IAPP: variants seen among roughly 807,000 people sequenced by gnomAD.
The protein encoded by IAPP is islet amyloid polypeptide.
In IAPP, 4 loss-of-function variants were observed where a neutral mutation model predicts 2.9. The observed-to-expected ratio is 1.39, with a 90% CI of 0.69 to 3.19. IAPP has a LOEUF of 3.19. Among genes scored for constraint, IAPP ranks in the 30% most tolerant of loss-of-function variants. IAPP has a pLI of 0.01. For missense variants in IAPP, 114 were observed against 105.3 expected (o/e 1.08, Z -0.36); for synonymous variants, 40 against 42.1 (o/e 0.95, Z 0.19).
chr12:21,359,397 T>C (rs1373983795), intron 1 of IAPP, among the ~76,000 whole-genome samples: 1 of 151,590 alleles, frequency 6.6e-6, no homozygotes, highest in East Asian at 1.9e-4. Flanking sequence ...TGTAAAACAT[T>C]AGTGAAAAAA....
At chr12:21,372,346 T>C (rs1939862518), upstream of IAPP, among the ~76,000 whole-genome samples, 1 of 152,234 alleles carries the variant, frequency 6.6e-6, no homozygotes, top group Admixed American at 6.5e-5. Context: ...GTCATATCTC[T>C]GGTACCTAGA....
At chr12:21,375,330 T>C (rs1404281421) in intron 2 of IAPP, among the ~76,000 whole-genome samples, 1 of 152,174 alleles carries the variant, frequency 6.6e-6, no homozygotes, top group East Asian at 1.9e-4. Flanking sequence ...TTAAAGGGAG[T>C]ATGATTTGTC....
chr12:21,366,559 A>C (rs1185910303), intron 1 of IAPP, among the ~76,000 whole-genome samples: 1 of 152,130 alleles, frequency 6.6e-6, no homozygotes, highest in African/African-American at 2.4e-5. Flanking sequence ...AAATAAAAAT[A>C]AAAAAGAAAT....
At chr12:21,367,154 G>A (rs575158359) in intron 1 of IAPP, among the ~76,000 whole-genome samples, 1 of 152,028 alleles carries the variant, frequency 6.6e-6, no homozygotes, top group Non-Finnish European at 1.5e-5. Context: ...TTTTCTTTTA[G>A]CCACATTAGT....
chr12:21,374,720 C>T (rs1940060966), intron 2 of IAPP, among the ~76,000 whole-genome samples: 1 of 152,010 alleles, frequency 6.6e-6, no homozygotes, highest in Non-Finnish European at 1.5e-5. Flanking sequence ...GTAGTATTTC[C>T]TAGTATATCT....
At chr12:21,357,287 TCA>T (rs1349696015) in intron 1 of IAPP, among the ~76,000 whole-genome samples, 3 of 152,108 alleles carry the variant, frequency 2.0e-5, no homozygotes, top group African/African-American at 7.2e-5. Flanking sequence ...GGAAGTTTGG[TCA>T]CAGAGACACA....
At position 21,361,274 on chromosome 12, in the gene IAPP, G is replaced by A. The variant is rs184569621; in HGVS notation, c.-16+6261G>A. 3.5e-3 allele frequency among the ~76,000 whole-genome samples: 526 copies of A among 152,272 alleles called. 4 individuals carry two copies. Among genetic ancestry groups the A allele is most frequent in the African/African-American group, 0.012 (498 of 41,544 alleles). ...CCGCTGGTGATACCCAGGCAAACAGGGTCTGGAGTGGACCTCCAGCAAACT... is the reference window on the plus strand; with the variant it reads ...CCGCTGGTGATACCCAGGCAAACAGAGTCTGGAGTGGACCTCCAGCAAACT... On this transcript the variant is annotated intron_variant, in intron 1 of 2. Coordinates refer to the IAPP transcript ENST00000539393.
chr12:21,357,717 TA>T (rs745347016), intron 1 of IAPP, among the ~76,000 whole-genome samples: 11 of 151,604 alleles, frequency 7.3e-5, no homozygotes, highest in Non-Finnish European at 2.9e-5. Flanking sequence ...TTTCTGTGTT[TA>T]TTTTTTTTGT....
chr12:21,364,505 T>A (rs1009056558), intron 1 of IAPP, among the ~76,000 whole-genome samples: 11 of 152,186 alleles, frequency 7.2e-5, no homozygotes, highest in African/African-American at 2.4e-4. Context: ...GGATGCCCTC[T>A]CTCACCACTC....
chr12:21,359,652 C>G (rs1391873374), intron 1 of IAPP, among the ~76,000 whole-genome samples: 2 of 151,614 alleles, frequency 1.3e-5, no homozygotes, highest in Non-Finnish European at 2.9e-5. Flanking sequence ...GAGGCTGAGG[C>G]AGGAGAATGG....
intron 1 of IAPP, among the ~76,000 whole-genome samples, chr12:21,365,089 T>C (rs1382621335): frequency 1.3e-5 from 2 of 152,042 alleles, no homozygotes; most frequent in African/African-American, 2.4e-5. Flanking sequence ...TCATTGCCAA[T>C]ACGATCCTAA....
At chr12:21,373,940 G>A (rs578256727) in intron 2 of IAPP, among the ~76,000 whole-genome samples, 2 of 152,132 alleles carry the variant, frequency 1.3e-5, no homozygotes, top group Admixed American at 6.6e-5. Flanking sequence ...ATGTTTTTAA[G>A]AAATGAAATC....
chr12:21,372,303 G>A (rs1466030096), upstream of IAPP, among the ~76,000 whole-genome samples: 1 of 152,056 alleles, frequency 6.6e-6, no homozygotes, highest in African/African-American at 2.4e-5. Context: ...TGGTTATGTA[G>A]CATTTGTTCA....
intron 1 of IAPP, among the ~76,000 whole-genome samples, chr12:21,363,045 C>A (rs529796009): frequency 1.3e-5 from 2 of 152,318 alleles, no homozygotes; most frequent in Non-Finnish European, 2.9e-5. Flanking sequence ...CCAAGCGGAC[C>A]TAATAGACAT....
intron 1 of IAPP, among the ~76,000 whole-genome samples, chr12:21,367,435 CAGA>C (rs1939474143): frequency 6.6e-6 from 1 of 151,900 alleles, no homozygotes; most frequent in Non-Finnish European, 1.5e-5. Context: ...TGGAGAAAAG[CAGA>C]AGGTCAGAGG....
intron 1 of IAPP, among the ~76,000 whole-genome samples, chr12:21,361,180 A>T (rs983708030): frequency 5.3e-5 from 8 of 152,160 alleles, no homozygotes; most frequent in African/African-American, 1.9e-4. Flanking sequence ...CCCCTCTAAG[A>T]CAAAGCTTCC....
chr12:21,370,608 T>C (rs531035805), upstream of IAPP, among the ~76,000 whole-genome samples: 215 of 151,752 alleles, frequency 1.4e-3, no homozygotes, highest in Non-Finnish European at 2.8e-3. Flanking sequence ...CTTATAACAT[T>C]AGGGTAAGAG....
At chr12:21,368,187 G>C (rs550973157), upstream of IAPP, among the ~76,000 whole-genome samples, 2 of 152,064 alleles carry the variant, frequency 1.3e-5, no homozygotes, top group Admixed American at 1.3e-4. Context: ...ACAGCATCAC[G>C]TGAGACATAT....
intron 1 of IAPP, among the ~76,000 whole-genome samples, chr12:21,364,389 G>T (rs4762820): frequency 0.62 from 93,791 of 151,936 alleles, 29,747 homozygotes; most frequent in Admixed American, 0.73. Context: ...GTATTGATGG[G>T]ATGTATCTCA....
Sources: gnomAD v4.1 joint callset for allele counts (sites outside exome capture counted in the v4.1 genomes callset) on GRCh38, gnomAD v4.1.1 for gene constraint, MANE v1.5 for transcripts, NCBI Gene and HGNC (gene_info 2026-07-23, HGNC 2026-07-21) for gene names.